The following PHYKPL variants were observed in gnomAD, a reference collection of about 807,000 sequenced individuals.
PHYKPL encodes 5-phosphonooxy-L-lysine phospho-lyase.
Under a neutral mutation model 51.3 loss-of-function variants are expected in PHYKPL, and 42 were observed. The ratio of observed to expected loss-of-function variants is 0.82; its 90% CI spans 0.64 to 1.06. PHYKPL has a LOEUF of 1.06. Ranked by LOEUF, PHYKPL falls within the 50% of genes least tolerant of loss-of-function variation. The pLI is 0.00. For synonymous variants in PHYKPL, 264 were observed against 236.0 expected (o/e 1.12, Z -1.09); for missense variants, 655 against 586.6 (o/e 1.12, Z -1.20).
chr5:178,210,988 A>G (rs964510207), intron 12 of PHYKPL: 2 of 239,280 alleles, frequency 8.4e-6, no homozygotes, highest in Admixed American at 5.2e-5. Context: ...TCACCTTTTA[A>G]TTTTATATTA....
chr5:178,225,664 T>C, intron 3 of PHYKPL: 2 of 551,570 alleles, frequency 3.6e-6, no homozygotes, highest in Non-Finnish European at 3.3e-6. Flanking sequence ...CATTCTCGTA[T>C]GTGTCATGAA....
chr5:178,222,446 G>C lies in PHYKPL; in HGVS notation c.836C>G (p.Ser279Cys), dbSNP rs754564386. 5 of 1,614,268 alleles carry C rather than the reference G, an allele frequency of 3.1e-6. No homozygotes were observed. The highest frequency in any genetic ancestry group is 4.2e-6 in the Non-Finnish European group (5 of 1,180,050). ...GGCAACAGGGTGGCCGTTGCCAATG[G>C]ACTTGCCCATGGTGACGATGTCAGG... ...FVPDIVTMGK[S>C]IGNGHPVACV... Residue 279 changes from serine to cysteine, a missense_variant, in exon 8 of 13, where the codon TCC becomes TGC. Physicochemically the swap from Ser to Cys is moderately radical, Grantham distance 112. Coordinates refer to ENST00000308158, the MANE Select transcript of PHYKPL (RefSeq NM_153373.4).
intron 1 of PHYKPL, 122 bp downstream of exon 1, chr5:178,232,370 G>T: frequency 1.5e-6 from 2 of 1,310,398 alleles, no homozygotes; most frequent in Non-Finnish European, 1.9e-6. Context: ...GGCCGGACGG[G>T]ATGGGTAGCA....
chr5:178,232,144 A>G, intron 1 of PHYKPL: 2 of 1,193,320 alleles, frequency 1.7e-6, no homozygotes, highest in Non-Finnish European at 2.1e-6. Flanking sequence ...ACCCTGGGTG[A>G]GGTCCTCTCA....
intron 3 of PHYKPL, chr5:178,228,003 G>GT (rs1287671863): frequency 8.9e-5 from 14 of 157,564 alleles, no homozygotes; most frequent in Non-Finnish European, 1.5e-4. Context: ...TCTTGGGCAG[G>GT]TGAGGGAGAA....
intron 8 of PHYKPL, among the ~76,000 whole-genome samples, chr5:178,217,226 A>G (rs1041642474): frequency 2.8e-5 from 4 of 143,652 alleles, no homozygotes; most frequent in Admixed American, 2.1e-4. Context: ...GGCTCAACAG[A>G]TTTTTTTTTT....
At chr5:178,232,250 C>G in intron 1 of PHYKPL, 3 of 1,233,628 alleles carry the variant, frequency 2.4e-6, no homozygotes, top group Non-Finnish European at 2.0e-6. Context: ...CTGAACTGGG[C>G]GGCCTGGAGA....
downstream of PHYKPL, among the ~76,000 whole-genome samples, chr5:178,207,794 A>G (rs1757150034): frequency 7.1e-6 from 1 of 140,176 alleles, no homozygotes; most frequent in Non-Finnish European, 1.5e-5. Flanking sequence ...CCTTGACCTC[A>G]TGGGCGGACC....
At chr5:178,209,022 AG>A (rs1757337233) in intron 12 of PHYKPL, 107 bp from the exon 13 acceptor site, 2 of 336,660 alleles carry the variant, frequency 5.9e-6, no homozygotes, top group South Asian at 6.5e-5. Flanking sequence ...GCCTGGTCCC[AG>A]CCTGTCCTCT....
intron 3 of PHYKPL, chr5:178,229,554 G>A (rs1156503381): frequency 6.2e-6 from 1 of 161,790 alleles, no homozygotes; most frequent in Non-Finnish European, 1.4e-5. Context: ...TAGGCCTCAT[G>A]ATACCCTGTA....
At chr5:178,232,413 C>T in intron 1 of PHYKPL, 79 bp downstream of exon 1, 1 of 1,335,608 alleles carries the variant, frequency 7.5e-7, no homozygotes, top group Non-Finnish European at 9.5e-7. Context: ...GTGCGTAGTG[C>T]GTGCGTGCGT....
chr5:178,212,017 T>C (rs1758605824), intron 11 of PHYKPL, 47 bp from the exon 12 acceptor site: 1 of 1,605,834 alleles, frequency 6.2e-7, no homozygotes, highest in Non-Finnish European at 8.5e-7. Flanking sequence ...CTTTCTCTGC[T>C]GAAGATGCCC....
chr5:178,222,924 A>G lies in PHYKPL; in HGVS notation c.629T>C (p.Phe210Ser), dbSNP rs1761481836. ...AQEKGRKIAA[F>S]FAESLPSVGG... ...CACACTGGGCAGAGACTCAGCGAAG[A>G]AGGCTGCAATCTGTGAAGAGATGGA... is the stretch of plus-strand genomic sequence containing the variant. Residue 210 changes from phenylalanine to serine, a missense_variant, in exon 7 of 13, where the codon TTC becomes TCC. Transcript: ENST00000308158. The G allele has an allele frequency of 3.7e-6, 6 of 1,614,126 alleles. No homozygotes were observed. The highest frequency in any genetic ancestry group is 5.1e-6 in the Non-Finnish European group (6 of 1,180,016).
At chr5:178,231,085 G>T in intron 2 of PHYKPL, 1 of 310,792 alleles carries the variant, frequency 3.2e-6, no homozygotes, top group Non-Finnish European at 6.1e-6. Flanking sequence ...CTGAAGCACT[G>T]CCATGACCCC....
chr5:178,225,663 A>G, intron 3 of PHYKPL: 1 of 549,682 alleles, frequency 1.8e-6, no homozygotes, highest in Non-Finnish European at 3.3e-6. Flanking sequence ...ACATTCTCGT[A>G]TGTGTCATGA....
intron 1 of PHYKPL, 189 bp downstream of exon 1, chr5:178,232,303 C>A: frequency 7.9e-7 from 1 of 1,258,070 alleles, no homozygotes; most frequent in South Asian, 2.8e-5. Context: ...CCCGCCGGGA[C>A]TGCCCAACGG....
At chr5:178,232,388 C>A in intron 1 of PHYKPL, 104 bp downstream of exon 1, 1 of 1,321,034 alleles carries the variant, frequency 7.6e-7, no homozygotes, top group African/African-American at 1.5e-5. Context: ...GCAGCGGCTT[C>A]CTAGCCGGAG....
intron 1 of PHYKPL, 64 bp downstream of exon 1, chr5:178,232,428 C>A (rs3749806): frequency 0.089 from 122,160 of 1,367,648 alleles, 9,139 homozygotes; most frequent in African/African-American, 0.41. Flanking sequence ...GTGCGTGCGT[C>A]GTGCGTGCGC....
chr5:178,223,583 C>T, intron 6 of PHYKPL: 1 of 423,190 alleles, frequency 2.4e-6, no homozygotes, highest in South Asian at 1.6e-5. Context: ...GCAATCAGAG[C>T]AATCTCCTTT....
Sources: gnomAD v4.1 joint callset for allele counts (sites outside exome capture counted in the v4.1 genomes callset) on GRCh38, gnomAD v4.1.1 for gene constraint, MANE v1.5 for transcripts, NCBI Gene and HGNC (gene_info 2026-07-23, HGNC 2026-07-21) for gene names.